The following EXOC4 variants were observed in gnomAD, a reference collection of about 807,000 sequenced individuals.
EXOC4 encodes exocyst complex component 4.
EXOC4 carries 71 observed loss-of-function variants against 107.2 expected under a neutral mutation model. The observed-to-expected ratio is 0.66, with a 90% CI of 0.55 to 0.81. EXOC4 has a LOEUF of 0.81. Ranked by LOEUF, EXOC4 falls within the 30% of genes least tolerant of loss-of-function variation. EXOC4 has a pLI of 0.00. For missense variants in EXOC4, 1,108 were observed against 1,189.6 expected (o/e 0.93, Z 1.01); for synonymous variants, 456 against 441.2 (o/e 1.03, Z -0.42).
At chr7:133,576,977 T>C (rs1356316385) in intron 9 of EXOC4, 4 of 723,406 alleles carry the variant, frequency 5.5e-6, no homozygotes, top group African/African-American at 1.9e-5. Flanking sequence ...AGAAAGATAA[T>C]ATGCCCGGGG....
chr7:133,755,246 ATATATATT>A (rs1458527877), intron 10 of EXOC4, among the ~76,000 whole-genome samples: 9,639 of 105,448 alleles, frequency 0.091, 492 homozygotes, highest in African/African-American at 0.13. Flanking sequence ...TATATATAAT[ATATATATT>A]ATATATATAT....
intron 12 of EXOC4, among the ~76,000 whole-genome samples, chr7:133,902,678 C>A (rs1481173138): frequency 6.6e-6 from 1 of 151,964 alleles, no homozygotes; most frequent in East Asian, 1.9e-4. Flanking sequence ...CATGGTGAAA[C>A]CCCGTCTCTA....
At chr7:133,868,606 G>A (rs573828332) in intron 11 of EXOC4, among the ~76,000 whole-genome samples, 5 of 152,052 alleles carry the variant, frequency 3.3e-5, no homozygotes, top group African/African-American at 1.2e-4. Flanking sequence ...CCTCCCTTTT[G>A]CCCCCACGTC....
chr7:133,448,601 G>A (rs1042713389), intron 7 of EXOC4, among the ~76,000 whole-genome samples: 2 of 152,144 alleles, frequency 1.3e-5, no homozygotes, highest in Non-Finnish European at 2.9e-5. Flanking sequence ...GAGGCACCAT[G>A]CCCAACCTAG....
At chr7:133,814,891 A>G (rs963848192) in intron 10 of EXOC4, among the ~76,000 whole-genome samples, 1 of 152,090 alleles carries the variant, frequency 6.6e-6, no homozygotes, top group African/African-American at 2.4e-5. Flanking sequence ...AGTTCTAGCC[A>G]TCATCTGTGA....
intron 9 of EXOC4, among the ~76,000 whole-genome samples, chr7:133,537,153 A>ATT (rs142415052): frequency 2.0e-5 from 3 of 149,374 alleles, no homozygotes; most frequent in African/African-American, 7.4e-5. Context: ...ATATATCTTG[A>ATT]TTTTTTTTTT....
chr7:133,523,069 C>T (rs1382763354), intron 9 of EXOC4, among the ~76,000 whole-genome samples: 1 of 152,082 alleles, frequency 6.6e-6, no homozygotes, highest in African/African-American at 2.4e-5. Context: ...ATAATGATAA[C>T]CATTATTTGC....
At chr7:133,994,393 T>TA (rs1794333443) in intron 14 of EXOC4, among the ~76,000 whole-genome samples, 1 of 152,118 alleles carries the variant, frequency 6.6e-6, no homozygotes, top group Non-Finnish European at 1.5e-5. Context: ...GACAAGTACC[T>TA]AATGCGTGCG....
At chr7:133,498,178 TA>T (rs1243593223) in intron 9 of EXOC4, among the ~76,000 whole-genome samples, 1 of 152,180 alleles carries the variant, frequency 6.6e-6, no homozygotes, top group Non-Finnish European at 1.5e-5. Flanking sequence ...GCACTATTGA[TA>T]AACCTGAAAG....
At chr7:133,934,681 C>T (rs1412888516) in intron 13 of EXOC4, among the ~76,000 whole-genome samples, 1 of 152,018 alleles carries the variant, frequency 6.6e-6, no homozygotes, top group Non-Finnish European at 1.5e-5. Context: ...AAGCCATTTG[C>T]CCCCCGCTGT....
At chr7:133,404,153 G>A (rs1271433629) in intron 7 of EXOC4, among the ~76,000 whole-genome samples, 1 of 152,100 alleles carries the variant, frequency 6.6e-6, no homozygotes, top group Non-Finnish European at 1.5e-5. Flanking sequence ...AGGCTGGAGT[G>A]CAGAGGCACA....
At chr7:133,800,414 C>A (rs1304972208) in intron 10 of EXOC4, among the ~76,000 whole-genome samples, 1 of 152,042 alleles carries the variant, frequency 6.6e-6, no homozygotes, top group Non-Finnish European at 1.5e-5. Flanking sequence ...GGGAGTCGTT[C>A]TATTTCTTAA....
intron 5 of EXOC4, among the ~76,000 whole-genome samples, chr7:133,328,396 G>T (rs1398701555): frequency 6.6e-6 from 1 of 152,094 alleles, no homozygotes; most frequent in African/African-American, 2.4e-5. Context: ...GCCAGTTTGT[G>T]CCTTTTAATT....
intron 14 of EXOC4, among the ~76,000 whole-genome samples, chr7:133,943,601 A>G (rs1031016341): frequency 1.3e-5 from 2 of 152,152 alleles, no homozygotes; most frequent in Non-Finnish European, 2.9e-5. Context: ...ACACTGCCCA[A>G]TGCTATATTT....
At chr7:133,910,254 T>C (rs1799661637) in intron 12 of EXOC4, among the ~76,000 whole-genome samples, 1 of 152,218 alleles carries the variant, frequency 6.6e-6, no homozygotes, top group African/African-American at 2.4e-5. Context: ...TTGGTCCACT[T>C]CCTGTGTTAC....
intron 11 of EXOC4, among the ~76,000 whole-genome samples, chr7:133,851,422 C>A (rs1390706119): frequency 6.6e-6 from 1 of 152,192 alleles, no homozygotes; most frequent in Non-Finnish European, 1.5e-5. Context: ...GAGCTCAACC[C>A]GTCTTCCTGT....
chr7:133,942,746 G>A (rs62470443), intron 14 of EXOC4, among the ~76,000 whole-genome samples: 43,837 of 151,898 alleles, frequency 0.29, 6,793 homozygotes, highest in Non-Finnish European at 0.34. Context: ...GGCATATTTT[G>A]TTTTAATGGA....
intron 13 of EXOC4, among the ~76,000 whole-genome samples, chr7:133,922,814 A>C (rs2116659017): frequency 6.6e-6 from 1 of 151,952 alleles, no homozygotes; most frequent in East Asian, 1.9e-4. Context: ...GCACCACTGC[A>C]CTCAAGCCTG....
At chr7:133,430,247 CCTT>C (rs1797825645) in intron 7 of EXOC4, among the ~76,000 whole-genome samples, 1 of 152,214 alleles carries the variant, frequency 6.6e-6, no homozygotes, top group Admixed American at 6.5e-5. Context: ...TCTCTTTTCT[CCTT>C]CTCTGCTGCA....
Sources: allele counts gnomAD v4.1 joint callset (sites outside exome capture counted in the v4.1 genomes callset), GRCh38; gene constraint gnomAD v4.1.1; transcripts MANE v1.5; gene names NCBI Gene and HGNC (gene_info 2026-07-23, HGNC 2026-07-21).